Variants in DPP10 observed in about 807,000 individuals in gnomAD.
The protein encoded by DPP10 is dipeptidyl peptidase like 10, also known as inactive dipeptidyl peptidase 10.
Under a neutral mutation model 120.9 loss-of-function variants are expected in DPP10, and 33 were observed. The observed-to-expected ratio is 0.27, with a 90% CI of 0.21 to 0.37. The LOEUF is 0.37. Ranked by LOEUF, DPP10 falls within the 10% of genes least tolerant of loss-of-function variation. The probability of loss-of-function intolerance (pLI) is 1.00; values close to 1 mark genes in which losing one functional copy is unlikely to be tolerated. For missense variants in DPP10, 816 were observed against 942.8 expected (o/e 0.87, Z 1.76); for synonymous variants, 337 against 326.1 (o/e 1.03, Z -0.36).
chr2:114,895,615 C>G (rs962596162), intron 1 of DPP10, among the ~76,000 whole-genome samples: 1 of 152,162 alleles, frequency 6.6e-6, no homozygotes, highest in Non-Finnish European at 1.5e-5. Context: ...GTGCAGTGAA[C>G]AGCCTCCACT....
rs559409318 is a variant in DPP10, at chr2:114,635,726, A to G, written c.60+192888A>G. 2.0e-4 allele frequency among the ~76,000 whole-genome samples: 30 copies of G among 152,036 alleles called. 4 individuals are homozygous for G. Among genetic ancestry groups the G allele is most frequent in the African/African-American group, 7.0e-4 (29 of 41,318 alleles). ...CCTTAAAAATTGTTCAGGACTCCAA[A>G]GACTTTTTATTGATGTGAGTTATAT... On this transcript the variant is annotated intron_variant, in intron 1 of 25. Transcript: ENST00000410059.
intron 5 of DPP10, among the ~76,000 whole-genome samples, chr2:115,636,995 A>G (rs2086391293): frequency 6.6e-6 from 1 of 152,212 alleles, no homozygotes; most frequent in African/African-American, 2.4e-5. Context: ...AACTTCAGTG[A>G]GCTGAAATAG....
At chr2:114,842,952 T>G (rs998663565) in intron 1 of DPP10, among the ~76,000 whole-genome samples, 5 of 152,074 alleles carry the variant, frequency 3.3e-5, no homozygotes, top group African/African-American at 1.2e-4. Flanking sequence ...AATGAGGCAC[T>G]GCCCATAACA....
At chr2:115,565,764 G>A (rs58955333) in intron 5 of DPP10, among the ~76,000 whole-genome samples, 135,884 of 139,626 alleles carry the variant, frequency 0.97, 66,128 homozygotes, top group South Asian at 0.99. Context: ...TTTTTTGTTT[G>A]TTTTGTTTTT....
At chr2:114,686,338 G>A (rs1699364815) in intron 1 of DPP10, among the ~76,000 whole-genome samples, 1 of 151,744 alleles carries the variant, frequency 6.6e-6, no homozygotes, top group South Asian at 2.1e-4. Context: ...GTTATCTATT[G>A]GTTTGACTTC....
At chr2:115,578,143 C>G (rs2081794286) in intron 5 of DPP10, among the ~76,000 whole-genome samples, 1 of 152,178 alleles carries the variant, frequency 6.6e-6, no homozygotes. Flanking sequence ...CACTGTCTCT[C>G]CTTTGCTCAA....
intron 1 of DPP10, among the ~76,000 whole-genome samples, chr2:114,957,742 A>G (rs1366579018): frequency 6.6e-6 from 1 of 152,232 alleles, no homozygotes; most frequent in Non-Finnish European, 1.5e-5. Flanking sequence ...GTGTACATAT[A>G]TCAATTAAAA....
chr2:115,297,707 T>G (rs997930598), intron 1 of DPP10, among the ~76,000 whole-genome samples: 13 of 152,200 alleles, frequency 8.5e-5, no homozygotes, highest in African/African-American at 2.9e-4. Context: ...GCTGCAAATA[T>G]GATCCTTCTG....
intron 1 of DPP10, among the ~76,000 whole-genome samples, chr2:114,454,573 T>A (rs1422674698): frequency 6.6e-6 from 1 of 152,200 alleles, no homozygotes; most frequent in Non-Finnish European, 1.5e-5. Context: ...CCCCTGCTAT[T>A]TTAAGCCTCT....
chr2:114,672,991 T>C (rs553583889), intron 1 of DPP10, among the ~76,000 whole-genome samples: 10 of 152,308 alleles, frequency 6.6e-5, no homozygotes, highest in African/African-American at 2.4e-4. Flanking sequence ...ATAACATCTT[T>C]CTGTTGTATT....
chr2:114,554,992 A>C (rs1384081722), intron 1 of DPP10, among the ~76,000 whole-genome samples: 1 of 152,188 alleles, frequency 6.6e-6, no homozygotes, highest in Admixed American at 6.5e-5. Context: ...GAGTGAGCAA[A>C]CATAATGGAC....
chr2:114,961,231 T>A (rs548561802), intron 1 of DPP10, among the ~76,000 whole-genome samples: 2 of 152,062 alleles, frequency 1.3e-5, no homozygotes, highest in East Asian at 3.9e-4. Context: ...ATTTTGTATT[T>A]TTAGTAGAGA....
At chr2:115,661,791 A>G (rs1237747414) in intron 5 of DPP10, among the ~76,000 whole-genome samples, 1 of 152,232 alleles carries the variant, frequency 6.6e-6, no homozygotes, top group African/African-American at 2.4e-5. Flanking sequence ...GATTTGATGG[A>G]CATTATGAAA....
At chr2:115,211,238 ATT>A (rs11457365) in intron 1 of DPP10, among the ~76,000 whole-genome samples, 1 of 145,554 alleles carries the variant, frequency 6.9e-6, no homozygotes. Flanking sequence ...GGTCTTACTG[ATT>A]TTTTTTTTTT....
intron 1 of DPP10, among the ~76,000 whole-genome samples, chr2:114,650,560 C>T (rs1350154978): frequency 6.6e-6 from 1 of 152,100 alleles, no homozygotes; most frequent in Non-Finnish European, 1.5e-5. Flanking sequence ...TGTAAAATTT[C>T]CCTACATTAA....
At chr2:114,787,956 AT>A (rs1438805021) in intron 1 of DPP10, among the ~76,000 whole-genome samples, 1 of 152,198 alleles carries the variant, frequency 6.6e-6, no homozygotes, top group Admixed American at 6.5e-5. Flanking sequence ...CACTTTTCTT[AT>A]TGAAAAAGTA....
chr2:115,658,628 TG>T (rs1490697959), intron 5 of DPP10, among the ~76,000 whole-genome samples: 1 of 152,094 alleles, frequency 6.6e-6, no homozygotes, highest in African/African-American at 2.4e-5. Flanking sequence ...TCATTCAACT[TG>T]GGTACAAAAA....
At chr2:114,856,632 G>A (rs114663327) in intron 1 of DPP10, among the ~76,000 whole-genome samples, 3,432 of 152,188 alleles carry the variant, frequency 0.023, 141 homozygotes, top group African/African-American at 0.079. Context: ...ATACAAAATA[G>A]GACATAGCTG....
chr2:115,716,637 T>G (rs2092503497), intron 7 of DPP10, among the ~76,000 whole-genome samples: 1 of 152,160 alleles, frequency 6.6e-6, no homozygotes, highest in African/African-American at 2.4e-5. Flanking sequence ...AAGTTCGCTT[T>G]TCTATGATTA....
Sources: gnomAD v4.1 joint callset for allele counts (sites outside exome capture counted in the v4.1 genomes callset) on GRCh38, gnomAD v4.1.1 for gene constraint, MANE v1.5 for transcripts, NCBI Gene and HGNC (gene_info 2026-07-23, HGNC 2026-07-21) for gene names.